The following ADGRB3 variants were observed in gnomAD, a reference collection of about 807,000 sequenced individuals.
ADGRB3 encodes the protein adhesion G protein-coupled receptor B3, also known as brain-specific angiogenesis inhibitor 3.
A neutral mutation model predicts 193.4 loss-of-function variants in ADGRB3; 37 were observed. The observed-to-expected ratio is 0.19, with a 90% CI of 0.15 to 0.25. The LOEUF (loss-of-function observed/expected upper bound fraction) is 0.25, where lower values mean the gene tolerates loss of function less well. ADGRB3 is among the 10% of genes least tolerant of loss of function. The probability of loss-of-function intolerance (pLI) is 1.00; values close to 1 mark genes in which losing one functional copy is unlikely to be tolerated. For synonymous variants in ADGRB3, 690 were observed against 644.2 expected, an observed-to-expected ratio of 1.07 and a Z score of -1.08; for missense variants, 1,637 against 1,852.9, an observed-to-expected ratio of 0.88 and a Z score of 2.14.
At chr6:69,125,433 G>T (rs1773826663) in intron 17 of ADGRB3, among the ~76,000 whole-genome samples, 1 of 152,060 alleles carries the variant, frequency 6.6e-6, no homozygotes, top group South Asian at 2.1e-4. Context: ...GACTTTGGGA[G>T]GGTTAAGACC....
At chr6:68,841,146 T>A (rs1253827014) in intron 3 of ADGRB3, among the ~76,000 whole-genome samples, 1 of 152,124 alleles carries the variant, frequency 6.6e-6, no homozygotes, top group African/African-American at 2.4e-5. Flanking sequence ...CCCAATACAA[T>A]AATAGCTGGA....
intron 13 of ADGRB3, among the ~76,000 whole-genome samples, chr6:69,038,454 T>C (rs1770939084): frequency 1.3e-5 from 2 of 152,206 alleles, no homozygotes; most frequent in South Asian, 4.1e-4. Context: ...TTCTTAGTCT[T>C]ACTTTCTGAG....
intron 3 of ADGRB3, among the ~76,000 whole-genome samples, chr6:68,804,406 G>C (rs564431600): frequency 6.6e-6 from 1 of 152,264 alleles, no homozygotes; most frequent in African/African-American, 2.4e-5. Context: ...TTTGCACCTT[G>C]TATGTGTCCT....
chr6:68,721,620 T>C (rs1343438710), intron 3 of ADGRB3, among the ~76,000 whole-genome samples: 3 of 82,398 alleles, frequency 3.6e-5, no homozygotes, highest in African/African-American at 5.3e-5. Flanking sequence ...GAACTTAAAG[T>C]ATAATAAATA....
At chr6:69,304,533 A>G (rs1459341261) in intron 20 of ADGRB3, among the ~76,000 whole-genome samples, 1 of 151,552 alleles carries the variant, frequency 6.6e-6, no homozygotes, top group African/African-American at 2.4e-5. Flanking sequence ...TTATGTTTTA[A>G]TTTTAGTTAG....
intron 17 of ADGRB3, among the ~76,000 whole-genome samples, chr6:69,134,423 G>GT (rs1354796485): frequency 6.6e-6 from 1 of 152,044 alleles, no homozygotes; most frequent in Non-Finnish European, 1.5e-5. Context: ...CTTGTGTATT[G>GT]TTTTGCCAAT....
At chr6:69,316,272 A>T (rs1268757119) in intron 20 of ADGRB3, among the ~76,000 whole-genome samples, 5 of 151,520 alleles carry the variant, frequency 3.3e-5, no homozygotes, top group Admixed American at 2.6e-4. Flanking sequence ...TCATCACTGT[A>T]ATAATAAAAT....
At position 68,669,556 on chromosome 6, in the gene ADGRB3, T is replaced by C. The variant is rs531914741; in HGVS notation, c.757+30124T>C. Among the ~76,000 whole-genome samples the C allele has an allele frequency of 7.9e-5, 12 of 151,682 alleles. No individual in the cohort carries two copies. In the South Asian group the frequency reaches 2.5e-3, roughly 32 times the overall value. ...TAATGATCTCCAGTCTCACCCACGT[T>C]GTTGTAAATGACAGGATCCCAGTTT... On this transcript the variant is annotated intron_variant, in intron 3 of 31. Transcript: ENST00000370598.
In ADGRB3 at chr6:69,048,230, T is replaced by G; in HGVS notation, c.2153T>G (p.Ile718Ser). 6.2e-7 allele frequency: 1 copy of G among 1,613,644 alleles called. No individual in the cohort carries two copies. The highest frequency in any genetic ancestry group is 8.5e-7 in the Non-Finnish European group (1 of 1,179,698). Residue 718 changes from isoleucine to serine, a missense_variant, in exon 14 of 32, where the codon ATC (isoleucine) becomes AGC (serine). By Grantham distance (142) the Ile-to-Ser change is moderately radical. Transcript: ENST00000370598. ...CCTGCAGCCTCTGTTCTAACAGACA[T>G]CAACTTTCCAATGAAAGGACGGAAG... ...KLPAASVLTD[I>S]NFPMKGRKGM...
At chr6:68,990,187 T>C (rs1199195407) in intron 10 of ADGRB3, among the ~76,000 whole-genome samples, 1 of 151,726 alleles carries the variant, frequency 6.6e-6, no homozygotes, top group Non-Finnish European at 1.5e-5. Context: ...TTCTAGGAAA[T>C]AGGTAGTGAA....
intron 10 of ADGRB3, among the ~76,000 whole-genome samples, chr6:68,983,697 C>T (rs1355031372): frequency 6.6e-6 from 1 of 151,812 alleles, no homozygotes; most frequent in East Asian, 1.9e-4. Context: ...TTGAATGTAA[C>T]ACACAATAAA....
chr6:69,027,634 G>A (rs62416764), intron 13 of ADGRB3, among the ~76,000 whole-genome samples: 19,604 of 152,198 alleles, frequency 0.13, 1,351 homozygotes, highest in Middle Eastern at 0.26. Context: ...TTCTGACTAT[G>A]AGGTGGAGAT....
chr6:69,344,988 C>T (rs541476632), intron 26 of ADGRB3, among the ~76,000 whole-genome samples: 3 of 151,676 alleles, frequency 2.0e-5, no homozygotes, highest in Admixed American at 1.3e-4. Flanking sequence ...GATCCTGGAC[C>T]CTAGTGATTT....
intron 3 of ADGRB3, among the ~76,000 whole-genome samples, chr6:68,863,273 G>T (rs1005107284): frequency 1.3e-5 from 2 of 151,930 alleles, no homozygotes; most frequent in Admixed American, 6.6e-5. Context: ...ACAGACAAAA[G>T]AAATGGTCAA....
intron 20 of ADGRB3, among the ~76,000 whole-genome samples, chr6:69,293,750 G>C (rs1356741540): frequency 6.6e-6 from 1 of 152,130 alleles, no homozygotes; most frequent in African/African-American, 2.4e-5. Flanking sequence ...TAGACTCAGG[G>C]AAAGTGGATG....
At chr6:68,863,642 A>C (rs1765216574) in intron 3 of ADGRB3, among the ~76,000 whole-genome samples, 1 of 152,296 alleles carries the variant, frequency 6.6e-6, no homozygotes, top group Non-Finnish European at 1.5e-5. Flanking sequence ...TGATGAATAC[A>C]CTTAAAAATA....
At chr6:69,210,881 C>T (rs552768637) in intron 17 of ADGRB3, among the ~76,000 whole-genome samples, 77 of 151,912 alleles carry the variant, frequency 5.1e-4, no homozygotes, top group Admixed American at 1.1e-3. Context: ...TTTGGGAGGC[C>T]GAGGCTGGCG....
intron 17 of ADGRB3, among the ~76,000 whole-genome samples, chr6:69,144,875 T>TTTCTTTC (rs1774438006): frequency 2.6e-5 from 1 of 39,044 alleles, no homozygotes; most frequent in African/African-American, 7.9e-5. Context: ...TTTGTTTGAG[T>TTTCTTTC]GTTCTTTCTT....
At chr6:68,783,344 T>C (rs1766897427) in intron 3 of ADGRB3, among the ~76,000 whole-genome samples, 1 of 147,314 alleles carries the variant, frequency 6.8e-6, no homozygotes, top group Non-Finnish European at 1.5e-5. Context: ...AATATACATA[T>C]AATTAATTCT....
Sources: allele counts gnomAD v4.1 joint callset (sites outside exome capture counted in the v4.1 genomes callset), GRCh38; gene constraint gnomAD v4.1.1; transcripts MANE v1.5; gene names NCBI Gene and HGNC (gene_info 2026-07-23, HGNC 2026-07-21).